NPAS3: variants seen among roughly 807,000 people sequenced by gnomAD.
NPAS3 encodes the protein neuronal PAS domain-containing protein 3.
A neutral mutation model predicts 73.1 loss-of-function variants in NPAS3; 14 were observed. The ratio of observed to expected loss-of-function variants is 0.19; its 90% CI spans 0.13 to 0.30. The LOEUF (loss-of-function observed/expected upper bound fraction) is 0.30, where lower values mean the gene tolerates loss of function less well. Among genes scored for constraint, NPAS3 ranks in the 10% least tolerant of loss-of-function variants. The probability of loss-of-function intolerance (pLI) is 1.00; values close to 1 mark genes in which losing one functional copy is unlikely to be tolerated. For missense variants in NPAS3, 1,096 were observed against 1,250.0 expected, an observed-to-expected ratio of 0.88 and a Z score of 1.86; for synonymous variants, 620 against 541.5, an observed-to-expected ratio of 1.14 and a Z score of -2.01.
At chr14:33,610,430 T>A (rs2057713830) in intron 5 of NPAS3, among the ~76,000 whole-genome samples, 1 of 152,156 alleles carries the variant, frequency 6.6e-6, no homozygotes, top group South Asian at 2.1e-4. Context: ...AGTTTTTCCC[T>A]CTCCTTTTTT....
In NPAS3 at chr14:33,556,513, C is replaced by T. The variant is rs560573147; in HGVS notation, c.469-3608C>T. 7.9e-5 allele frequency among the ~76,000 whole-genome samples: 12 copies of T among 152,304 alleles called. No homozygotes were observed. The East Asian group carries it at 1.9e-3, about 24-fold the overall frequency. On this transcript the variant is annotated intron_variant, in intron 4 of 11. Coordinates refer to ENST00000356141, the Ensembl canonical transcript of NPAS3. ...TGAGCATGGAGGTAGAACTGGATTTCATAAATCTTGATTGAGTGGTTGTTA... is the reference window on the plus strand; with the variant it reads ...TGAGCATGGAGGTAGAACTGGATTTTATAAATCTTGATTGAGTGGTTGTTA...
chr14:33,763,931 G>A (rs1362785969), intron 7 of NPAS3, among the ~76,000 whole-genome samples: 1 of 151,214 alleles, frequency 6.6e-6, no homozygotes, highest in Non-Finnish European at 1.5e-5. Flanking sequence ...GTTATTTGTG[G>A]TTTCCCCTTT....
chr14:33,443,232 A>G (rs935671461), intron 4 of NPAS3, among the ~76,000 whole-genome samples: 1 of 152,134 alleles, frequency 6.6e-6, no homozygotes, highest in African/African-American at 2.4e-5. Context: ...ACATCATTAT[A>G]CTTAAAGGGA....
chr14:33,203,532 T>C (rs2046703869), intron 2 of NPAS3, among the ~76,000 whole-genome samples: 1 of 152,118 alleles, frequency 6.6e-6, no homozygotes, highest in African/African-American at 2.4e-5. Context: ...CCAAGTGTTC[T>C]CATTGTTCAT....
intron 4 of NPAS3, among the ~76,000 whole-genome samples, chr14:33,380,763 C>T (rs1161340591): frequency 2.0e-5 from 3 of 152,106 alleles, no homozygotes; most frequent in Non-Finnish European, 4.4e-5. Context: ...CACAGAGGAG[C>T]CTCGTTGAAT....
intron 1 of NPAS3, among the ~76,000 whole-genome samples, chr14:33,035,512 A>G (rs2040136592): frequency 6.6e-6 from 1 of 152,228 alleles, no homozygotes; most frequent in Non-Finnish European, 1.5e-5. Flanking sequence ...AAGTTCCAGC[A>G]GAGTGCCTCA....
chr14:33,353,411 C>A (rs2045173894), intron 3 of NPAS3, among the ~76,000 whole-genome samples: 1 of 152,114 alleles, frequency 6.6e-6, no homozygotes. Context: ...TGTAGGGACT[C>A]CAAAAGCAAT....
chr14:33,222,767 C>T (rs902374373), intron 3 of NPAS3, among the ~76,000 whole-genome samples: 3 of 151,864 alleles, frequency 2.0e-5, no homozygotes, highest in South Asian at 2.1e-4. Flanking sequence ...TTACTATTAG[C>T]GGAGTTATAT....
At chr14:33,056,595 A>G (rs1210789273) in intron 2 of NPAS3, among the ~76,000 whole-genome samples, 1 of 152,200 alleles carries the variant, frequency 6.6e-6, no homozygotes, top group Non-Finnish European at 1.5e-5. Context: ...CAGAATCTGC[A>G]CTTTGGGTAA....
In NPAS3 at chr14:33,137,385, T is replaced by C. The variant is rs150124196; in HGVS notation, c.141-77797T>C. ...ACTGAATCATTTACATGGCATCTTA[T>C]TACTAAATAAGATTGTTTGATTCAC... On this transcript the variant is annotated intron_variant, in intron 2 of 11. Coordinates refer to ENST00000356141, the Ensembl canonical transcript of NPAS3. Among the ~76,000 whole-genome samples the C allele has an allele frequency of 3.7e-3, 563 of 152,316 alleles. 3 individuals are homozygous for C. The highest frequency in any genetic ancestry group is 6.8e-3 in the Middle Eastern group (2 of 294).
chr14:33,029,369 G>A (rs1446150368), intron 1 of NPAS3, among the ~76,000 whole-genome samples: 1 of 152,030 alleles, frequency 6.6e-6, no homozygotes, highest in Non-Finnish European at 1.5e-5. Flanking sequence ...AAAAATGAAG[G>A]GAGACTTTGA....
chr14:33,631,166 G>A (rs1595317072), intron 5 of NPAS3, among the ~76,000 whole-genome samples: 1 of 152,118 alleles, frequency 6.6e-6, no homozygotes. Context: ...TTCTCTCATT[G>A]TTTGGAGCTT....
At chr14:33,698,397 A>G (rs2060443875) in intron 6 of NPAS3, among the ~76,000 whole-genome samples, 1 of 152,216 alleles carries the variant, frequency 6.6e-6, no homozygotes, top group South Asian at 2.1e-4. Context: ...TTGAAGGGGA[A>G]TGTGAAGTCT....
At chr14:33,041,669 T>C (rs1254789369) in intron 1 of NPAS3, among the ~76,000 whole-genome samples, 1 of 152,132 alleles carries the variant, frequency 6.6e-6, no homozygotes, top group African/African-American at 2.4e-5. Context: ...CTGAGACAAG[T>C]ATTGCCAGGG....
intron 4 of NPAS3, among the ~76,000 whole-genome samples, chr14:33,405,106 T>C (rs1362346279): frequency 6.6e-6 from 1 of 152,100 alleles, no homozygotes; most frequent in Non-Finnish European, 1.5e-5. Context: ...CTGTGCACAT[T>C]GTTGGCTGCC....
chr14:33,785,880 A>G (rs1210651917), intron 9 of NPAS3, among the ~76,000 whole-genome samples: 1 of 152,252 alleles, frequency 6.6e-6, no homozygotes, highest in Non-Finnish European at 1.5e-5. Context: ...AAAGATCAAG[A>G]TAGCATCCCC....
At chr14:33,645,811 A>G (rs937846265) in intron 5 of NPAS3, among the ~76,000 whole-genome samples, 1 of 152,262 alleles carries the variant, frequency 6.6e-6, no homozygotes, top group Non-Finnish European at 1.5e-5. Context: ...AAAAATGAGA[A>G]GAGCTAGAGC....
intron 3 of NPAS3, among the ~76,000 whole-genome samples, chr14:33,238,989 T>C (rs1056675176): frequency 2.0e-5 from 3 of 151,876 alleles, no homozygotes; most frequent in Non-Finnish European, 2.9e-5. Flanking sequence ...TCCTTCACAT[T>C]TGAGGTTATG....
intron 1 of NPAS3, among the ~76,000 whole-genome samples, chr14:33,055,180 A>T (rs1301498929): frequency 6.6e-6 from 1 of 152,208 alleles, no homozygotes; most frequent in Non-Finnish European, 1.5e-5. Context: ...AAAACATCTC[A>T]GCATTTTTAT....
Sources: allele counts gnomAD v4.1 joint callset (sites outside exome capture counted in the v4.1 genomes callset), GRCh38; gene constraint gnomAD v4.1.1; transcripts MANE v1.5; gene names NCBI Gene and HGNC (gene_info 2026-07-23, HGNC 2026-07-21).